Variants in ELOC observed in about 807,000 individuals in gnomAD.
ELOC encodes the protein elongin-C.
For missense variants in ELOC, 38 were observed against 139.0 expected (o/e 0.27, Z 3.65); for synonymous variants, 40 against 51.3 (o/e 0.78, Z 0.94).
At chr8:73,956,383 T>TC (rs1814191807) in intron 2 of ELOC, among the ~76,000 whole-genome samples, 1 of 151,844 alleles carries the variant, frequency 6.6e-6, no homozygotes, top group Non-Finnish European at 1.5e-5. Flanking sequence ...AAGCTCCATC[T>TC]CAAAAAAAAT....
In ELOC at chr8:73,956,016, C is replaced by T. The variant is rs750853574; in HGVS notation, c.43G>A (p.Asp15Asn). Residue 15 changes from aspartate (D) to asparagine (N), a missense_variant, in exon 3 of 4, where the codon GAT (aspartate) becomes AAT (asparagine). Physicochemically the swap from Asp to Asn is conservative, Grantham distance 23. Transcript: ENST00000520242. ...GATATCAATTTGACATACATGGCAT[C>T]AGGTCCTTCACAGCCACCATAGGTT... ...EKTYGGCEGP[D>N]AMYVKLISSD... The T allele has an allele frequency of 1.2e-6, 2 of 1,613,850 alleles. No homozygotes were observed. The highest frequency in any genetic ancestry group is 1.7e-6 in the Non-Finnish European group (2 of 1,179,880).
At position 73,955,936 on chromosome 8, in the gene ELOC, C is replaced by G. The variant is rs368219105; in HGVS notation, c.123G>C (p.Thr41=). 2.5e-6 allele frequency: 4 copies of G among 1,613,334 alleles called. No homozygotes were observed. The South Asian group carries it at 4.4e-5, about 18-fold the overall frequency. ...CTGGGCCACTCAACATGGCTTTTAT[C>G]GTGCCTGATGTTAATGCATGTTCTC... is the stretch of plus-strand genomic sequence containing the variant. ...VKREHALTSG[T]IKAMLSGPGQ... is the part of the protein sequence containing the mutation. Residue 41 remains threonine, a synonymous_variant, in exon 3 of 4, where the codon ACG becomes ACC. Coordinates refer to ENST00000520242, the MANE Select transcript of ELOC (RefSeq NM_005648.4).
intron 1 of ELOC, among the ~76,000 whole-genome samples, chr8:73,964,949 C>A (rs1814867409): frequency 6.7e-6 from 1 of 149,332 alleles, no homozygotes; most frequent in Non-Finnish European, 1.5e-5. Context: ...ATCACCTGAG[C>A]CCGAGGAGGG....
At chr8:73,961,958 T>C (rs1814635653) in intron 1 of ELOC, among the ~76,000 whole-genome samples, 1 of 152,062 alleles carries the variant, frequency 6.6e-6, no homozygotes. Flanking sequence ...TGCAGTGGCG[T>C]GATCTTGGCT....
intron 1 of ELOC, chr8:73,969,550 T>G (rs1815218683): frequency 6.6e-6 from 1 of 152,192 alleles, no homozygotes; most frequent in South Asian, 2.1e-4. Flanking sequence ...TCGGTCAAGT[T>G]CACTCTTACC....
chr8:73,961,999 G>C (rs28582330), intron 1 of ELOC, among the ~76,000 whole-genome samples: 25,719 of 151,948 alleles, frequency 0.17, 2,484 homozygotes, highest in Middle Eastern at 0.29. Context: ...AGGTTCAAAC[G>C]ATTCTTGTGC....
chr8:73,948,689 A>G (rs962797927), intron 3 of ELOC, among the ~76,000 whole-genome samples: 1 of 152,192 alleles, frequency 6.6e-6, no homozygotes, highest in Non-Finnish European at 1.5e-5. Flanking sequence ...GCCTGTAATC[A>G]CAGCACTTTG....
intron 1 of ELOC, among the ~76,000 whole-genome samples, chr8:73,967,554 A>G (rs866424635): frequency 6.9e-6 from 1 of 145,724 alleles, no homozygotes; most frequent in African/African-American, 2.6e-5. Flanking sequence ...TGCAACCTCC[A>G]CCTCCCAGGT....
At chr8:73,966,344 G>C (rs910074786) in intron 1 of ELOC, among the ~76,000 whole-genome samples, 2 of 152,156 alleles carry the variant, frequency 1.3e-5, no homozygotes, top group African/African-American at 4.8e-5. Context: ...ATGGCAAGGA[G>C]AACAGTCTGG....
chr8:73,971,356 G>C (rs1369056273), intron 1 of ELOC, among the ~76,000 whole-genome samples: 1 of 152,152 alleles, frequency 6.6e-6, no homozygotes, highest in East Asian at 1.9e-4. Flanking sequence ...AGCTGAAAAC[G>C]AACCACTGCA....
chr8:73,967,462 T>C (rs1815068209), intron 1 of ELOC, among the ~76,000 whole-genome samples: 1 of 140,364 alleles, frequency 7.1e-6, no homozygotes, highest in South Asian at 2.3e-4. Flanking sequence ...TATATAATTT[T>C]CTTTTCTTTT....
chr8:73,957,749 T>TATCCATCC (rs750720645), intron 2 of ELOC, among the ~76,000 whole-genome samples: 1 of 152,172 alleles, frequency 6.6e-6, no homozygotes, highest in Non-Finnish European at 1.5e-5. Flanking sequence ...TTAAAATTTT[T>TATCCATCC]ATCCATCCAT....
chr8:73,952,052 C>T (rs1026365749), intron 3 of ELOC, among the ~76,000 whole-genome samples: 4 of 152,110 alleles, frequency 2.6e-5, no homozygotes, highest in Non-Finnish European at 5.9e-5. Context: ...ACCCATAAAA[C>T]GCCTATAAGA....
chr8:73,950,014 T>C (rs1256414081), intron 3 of ELOC, among the ~76,000 whole-genome samples: 1 of 151,978 alleles, frequency 6.6e-6, no homozygotes, highest in Non-Finnish European at 1.5e-5. Context: ...GAGTGGGGGG[T>C]ACAATTCAAC....
chr8:73,969,306 AT>A (rs200111720), intron 1 of ELOC, among the ~76,000 whole-genome samples: 2 of 151,694 alleles, frequency 1.3e-5, no homozygotes, highest in East Asian at 3.9e-4. Context: ...TTCAAAAAAC[AT>A]TTTTTTTTGT....
At chr8:73,959,729 C>G in intron 2 of ELOC, 36 bp downstream of exon 2, 1 of 1,509,772 alleles carries the variant, frequency 6.6e-7, no homozygotes, top group Non-Finnish European at 8.9e-7. Context: ...CCAGTTTCTA[C>G]TAGTTAAAAC....
chr8:73,955,177 T>C (rs917579898), intron 3 of ELOC, among the ~76,000 whole-genome samples: 3 of 151,736 alleles, frequency 2.0e-5, no homozygotes, highest in African/African-American at 7.3e-5. Context: ...AACATAATCA[T>C]GCAAAAGGCC....
intron 1 of ELOC, chr8:73,964,692 T>C (rs1478430169): frequency 6.6e-6 from 1 of 152,036 alleles, no homozygotes; most frequent in Non-Finnish European, 1.5e-5. Context: ...AATGAAAAAC[T>C]TGATGAACTG....
chr8:73,965,036 C>CAAA (rs61081733), intron 1 of ELOC, among the ~76,000 whole-genome samples: 21,453 of 80,436 alleles, frequency 0.27, 2,537 homozygotes, highest in Non-Finnish European at 0.32. Flanking sequence ...AAAAACAAAC[C>CAAA]AAAAAAAAAA....
Sources: allele counts gnomAD v4.1 joint callset (sites outside exome capture counted in the v4.1 genomes callset), GRCh38; gene constraint gnomAD v4.1.1; transcripts MANE v1.5; gene names NCBI Gene and HGNC (gene_info 2026-07-23, HGNC 2026-07-21).